The following FNBP1 variants were observed in gnomAD, a reference collection of about 807,000 sequenced individuals.
FNBP1 encodes the protein formin binding protein 1, also known as formin-binding protein 1.
Under a neutral mutation model 90.6 loss-of-function variants are expected in FNBP1, and 26 were observed. The observed-to-expected ratio is 0.29, with a 90% confidence interval of 0.21 to 0.40. The LOEUF is 0.40. Ranked by LOEUF, FNBP1 falls within the 10% of genes least tolerant of loss-of-function variation. The pLI, the probability that FNBP1 is intolerant of heterozygous loss-of-function variation, is 1.00. For synonymous variants in FNBP1, 260 were observed against 265.2 expected, an observed-to-expected ratio of 0.98 and a Z score of 0.19; for missense variants, 635 against 768.0, an observed-to-expected ratio of 0.83 and a Z score of 2.05.
chr9:129,901,682 T>C (rs10733703), intron 13 of FNBP1, among the ~76,000 whole-genome samples: 152,011 of 152,252 alleles, frequency 1, 75,885 homozygotes, highest in Middle Eastern at 1. Flanking sequence ...GAAGCCAAGG[T>C]GGGTGGAGCA....
intron 4 of FNBP1, among the ~76,000 whole-genome samples, chr9:129,971,290 T>C (rs2049415542): frequency 1.3e-5 from 2 of 152,126 alleles, no homozygotes; most frequent in East Asian, 1.9e-4. Flanking sequence ...TAAAATGAAC[T>C]GCGTTGTGAT....
At chr9:129,923,728 T>G in intron 10 of FNBP1, 116 bp downstream of exon 10, 1 of 1,138,668 alleles carries the variant, frequency 8.8e-7, no homozygotes, top group African/African-American at 1.6e-5. Context: ...TTTTTTTAAC[T>G]TTTTTATATG....
At chr9:130,006,494 A>G (rs1179302686) in intron 1 of FNBP1, among the ~76,000 whole-genome samples, 1 of 150,230 alleles carries the variant, frequency 6.7e-6, no homozygotes, top group African/African-American at 2.5e-5. Context: ...ACTCTGTCTC[A>G]AAAAGAAACA....
At chr9:130,050,709 G>A in the FNBP1 span, among the ~76,000 whole-genome samples, 1 of 147,348 alleles carries the variant, frequency 6.8e-6, no homozygotes, top group Non-Finnish European at 1.5e-5. Context: ...AAAGTGTCAT[G>A]GCTTACTCCA....
intron 11 of FNBP1, among the ~76,000 whole-genome samples, chr9:129,912,134 C>A (rs2039407130): frequency 6.6e-6 from 1 of 151,988 alleles, no homozygotes; most frequent in Non-Finnish European, 1.5e-5. Flanking sequence ...GCCCTCAACC[C>A]CCAGGATCAG....
At chr9:129,933,105 GTAGT>G (rs2042994045) in intron 6 of FNBP1, among the ~76,000 whole-genome samples, 1 of 152,120 alleles carries the variant, frequency 6.6e-6, no homozygotes, top group Non-Finnish European at 1.5e-5. Flanking sequence ...AGCTCAGGAG[GTAGT>G]TTCCCCGTTT....
chr9:129,996,729 G>A (rs563650583), intron 1 of FNBP1, among the ~76,000 whole-genome samples: 7 of 152,100 alleles, frequency 4.6e-5, no homozygotes, highest in South Asian at 2.1e-4. Flanking sequence ...AGACAGAGTC[G>A]TGCTCTTTCC....
At chr9:129,925,182 A>AAAT (rs776952755) in intron 8 of FNBP1, 25 bp from the exon 9 acceptor site, 2 of 1,571,846 alleles carry the variant, frequency 1.3e-6, no homozygotes, top group Non-Finnish European at 1.7e-6. Flanking sequence ...ACAAGCATAT[A>AAAT]AATACATTCA....
intron 11 of FNBP1, 67 bp from the exon 12 acceptor site, chr9:129,909,066 A>T: frequency 9.3e-7 from 1 of 1,075,994 alleles, no homozygotes; most frequent in Non-Finnish European, 1.4e-6. Flanking sequence ...GGCTGAAAGC[A>T]AAGCCTGCAG....
chr9:129,923,935 G>C lies in FNBP1; in HGVS notation c.1079C>G (p.Pro360Arg). 1 of 1,592,752 alleles carries C rather than the reference G, an allele frequency of 6.3e-7. No individual in the cohort carries two copies. Among genetic ancestry groups the C allele is most frequent in the East Asian group, 2.3e-5 (1 of 43,208 alleles). ...GGAGAGGGGTTCCTTTTGCTGCTTG[G>C]GAGACTGGGGGCCGTTGGGAACAGC... ...PSAVPNGPQS[P>R]KQQKEPLSHR... is the part of the protein sequence containing the mutation. The change falls in exon 10 of 17, where the codon CCC (proline) becomes CGC (arginine). Residue 360 changes from proline to arginine, a missense_variant. Coordinates refer to ENST00000446176, the MANE Select transcript of FNBP1 (RefSeq NM_015033.3).
intron 4 of FNBP1, among the ~76,000 whole-genome samples, chr9:129,965,699 C>T (rs1450035330): frequency 9.3e-6 from 1 of 106,952 alleles, no homozygotes. Flanking sequence ...CACACACACG[C>T]GCGCGCGCGC....
chr9:129,982,304 C>G (rs1030783868), intron 2 of FNBP1, among the ~76,000 whole-genome samples: 3 of 152,116 alleles, frequency 2.0e-5, no homozygotes, highest in African/African-American at 7.2e-5. Context: ...AATCCTGTCT[C>G]TACTAAAAAT....
chr9:130,025,094 T>G (rs963602884), intron 1 of FNBP1, among the ~76,000 whole-genome samples: 7 of 151,868 alleles, frequency 4.6e-5, no homozygotes, highest in Admixed American at 1.3e-4. Context: ...GCAGGAGAAT[T>G]GCTTGAACCC....
At chr9:130,023,440 G>A (rs552219624) in intron 1 of FNBP1, among the ~76,000 whole-genome samples, 4 of 152,298 alleles carry the variant, frequency 2.6e-5, no homozygotes, top group African/African-American at 9.6e-5. Context: ...TTAGCTGAAG[G>A]TGAAGCACCT....
In FNBP1 at chr9:130,011,269, A is replaced by ATATATAT. The variant is rs1322193913; in HGVS notation, c.25-16312_25-16311insATATATA. 8.3e-3 allele frequency among the ~76,000 whole-genome samples: 288 copies of ATATATAT among 34,782 alleles called. 5 individuals are homozygous for ATATATAT. Among genetic ancestry groups the ATATATAT allele is most frequent in the African/African-American group, 9.3e-3 (83 of 8,964 alleles). 22.8% of individuals were successfully genotyped at this position (34,782 alleles called of 152,430 possible). ...ATATATATATATATATATATATATAAAATATATATAACATTATTACTTATA... is the reference window on the plus strand; with the variant it reads ...ATATATATATATATATATATATATAATATATATAATATATATAACATTATTACTTATA... On this transcript the variant is annotated intron_variant, in intron 1 of 16. Coordinates refer to ENST00000446176, the MANE Select transcript of FNBP1 (RefSeq NM_015033.3).
At chr9:130,046,116 T>C (rs1054123799), upstream of FNBP1, among the ~76,000 whole-genome samples, 3 of 152,156 alleles carry the variant, frequency 2.0e-5, no homozygotes, top group Admixed American at 6.6e-5. Context: ...TTTCCTGAAG[T>C]ATAGCTCCTA....
At chr9:129,952,423 G>A (rs971431151) in intron 6 of FNBP1, among the ~76,000 whole-genome samples, 2 of 152,012 alleles carry the variant, frequency 1.3e-5, no homozygotes, top group Middle Eastern at 3.4e-3. Context: ...GCTTGAACCT[G>A]GGAGGTGGAG....
At chr9:129,960,803 T>C (rs1322555325) in intron 4 of FNBP1, among the ~76,000 whole-genome samples, 1 of 151,916 alleles carries the variant, frequency 6.6e-6, no homozygotes, top group African/African-American at 2.4e-5. Context: ...GTGCAGGTGG[T>C]GAGAGGGGTC....
chr9:130,011,215 C>CAAAAAAAAAAA, intron 1 of FNBP1, among the ~76,000 whole-genome samples: 1 of 13,418 alleles, frequency 7.5e-5, no homozygotes, highest in Non-Finnish European at 1.4e-4. Flanking sequence ...GACTCCATCT[C>CAAAAAAAAAAA]AAAAAAAAAA....
Sources: allele counts gnomAD v4.1 joint callset (sites outside exome capture counted in the v4.1 genomes callset), GRCh38; gene constraint gnomAD v4.1.1; transcripts MANE v1.5; gene names NCBI Gene and HGNC (gene_info 2026-07-23, HGNC 2026-07-21).